Variants in CRAMP1 observed in about 807,000 individuals in gnomAD.
CRAMP1 encodes protein cramped-like.
CRAMP1 carries 50 observed loss-of-function variants against 115.4 expected under a neutral mutation model. The observed-to-expected ratio is 0.43, with a 90% CI of 0.35 to 0.55. The LOEUF (loss-of-function observed/expected upper bound fraction) is 0.55. CRAMP1 is among the 20% of genes least tolerant of loss of function. The pLI is 0.01. For missense variants in CRAMP1, 1,679 were observed against 1,721.7 expected, an observed-to-expected ratio of 0.98 and a Z score of 0.44; for synonymous variants, 866 against 745.4, an observed-to-expected ratio of 1.16 and a Z score of -2.64.
chr16:1,625,936 T>C (rs964491395), intron 2 of CRAMP1, 37 bp from the exon 3 acceptor site: 1 of 1,548,998 alleles, frequency 6.5e-7, no homozygotes, highest in African/African-American at 1.4e-5. Context: ...CCGCCAGCTT[T>C]CTGGAACAGA....
chr16:1,640,021 C>G (rs2036619117), intron 5 of CRAMP1, among the ~76,000 whole-genome samples: 1 of 152,134 alleles, frequency 6.6e-6, no homozygotes, highest in African/African-American at 2.4e-5. Context: ...CACGGTGACC[C>G]TGTGGCATGC....
At chr16:1,668,251 A>C (rs565007119) in intron 18 of CRAMP1, 58 bp downstream of exon 18, 1 of 1,233,796 alleles carries the variant, frequency 8.1e-7, no homozygotes, top group African/African-American at 1.5e-5. Flanking sequence ...CTCCTGCCCC[A>C]ATGTTTGCCA....
rs369231610 is a variant in CRAMP1, at chr16:1,659,922, A to G, written c.2272A>G (p.Arg758Gly). The G allele has an allele frequency of 1.2e-6, 2 of 1,613,018 alleles. No individual in the cohort carries two copies. The highest frequency in any genetic ancestry group is 1.7e-6 in the Non-Finnish European group (2 of 1,179,834). The change falls in exon 11 of 21, where the codon AGG (arginine) becomes GGG (glycine). Residue 758 changes from arginine to glycine, a missense_variant. Physicochemically the swap from Arg to Gly is moderately radical, Grantham distance 125 (BLOSUM62 -2). Transcript: ENST00000397412. ...EANTISTASVRPAQEEQSMTP... is the reference protein window; with the variant it reads ...EANTISTASVGPAQEEQSMTP... Reference sequence around the variant, plus strand: ...AAACACCATCTCTACAGCCTCAGTAAGGCCCGCCCAGGAGGAGCAGTCGAT... The same window carrying G: ...AAACACCATCTCTACAGCCTCAGTAGGGCCCGCCCAGGAGGAGCAGTCGAT...
chr16:1,647,748 TA>T (rs35279793), intron 6 of CRAMP1, among the ~76,000 whole-genome samples: 1,498 of 87,744 alleles, frequency 0.017, 11 homozygotes, highest in African/African-American at 0.036. Flanking sequence ...GACTCTGCCT[TA>T]AAAAAAAAAA....
At chr16:1,628,988 C>T (rs990161006) in intron 3 of CRAMP1, among the ~76,000 whole-genome samples, 7 of 152,210 alleles carry the variant, frequency 4.6e-5, no homozygotes, top group Non-Finnish European at 7.3e-5. Flanking sequence ...TCTGGCAGGG[C>T]GGGCATTCAC....
Position 1,656,247 on chromosome 16 carries a change from A to T in CRAMP1, c.1490A>T (p.Glu497Val). The T allele has an allele frequency of 1.9e-6, 3 of 1,609,548 alleles. No homozygotes were observed. In the South Asian group the frequency reaches 3.3e-5, roughly 18 times the overall value. ...AGTTCCCCCGAAAGCGCCCCCGGGG[A>T]GGGGGCTGCCCTAAGCTTGAGCAGC... Reference protein sequence around the residue: ...GESSPESAPGEGAALSLSSPD... With the variant: ...GESSPESAPGVGAALSLSSPD... Residue 497 changes from glutamate (E) to valine (V), a missense_variant, in exon 10 of 21, where the codon GAG becomes GTG. Physicochemically the swap from Glu to Val is moderately radical, Grantham distance 121. This residue lies in a region of CRAMP1 where 405 missense variants were observed against 302.6 expected (regional missense o/e 1.34). Transcript: ENST00000397412. The surrounding 1 kb of genome is among the most constrained non-coding windows in gnomAD (Gnocchi z 5.6).
intron 8 of CRAMP1, among the ~76,000 whole-genome samples, chr16:1,653,388 C>T (rs1364463380): frequency 1.3e-5 from 2 of 152,124 alleles, no homozygotes; most frequent in Non-Finnish European, 2.9e-5. Flanking sequence ...GAGGGGATGT[C>T]GCGGTGAGAA....
intron 4 of CRAMP1, among the ~76,000 whole-genome samples, chr16:1,636,325 C>A (rs1001545038): frequency 6.6e-6 from 1 of 151,320 alleles, no homozygotes; most frequent in Non-Finnish European, 1.5e-5. Flanking sequence ...GAGCTGAGAT[C>A]GCGTCACCGC....
At chr16:1,640,690 G>A (rs2036624477) in intron 5 of CRAMP1, among the ~76,000 whole-genome samples, 2 of 152,218 alleles carry the variant, frequency 1.3e-5, no homozygotes, top group South Asian at 4.1e-4. Flanking sequence ...GGTGCCTTGG[G>A]GGTTCCACAC....
intron 3 of CRAMP1, among the ~76,000 whole-genome samples, chr16:1,627,241 G>T (rs2036515280): frequency 6.6e-6 from 1 of 151,970 alleles, no homozygotes; most frequent in African/African-American, 2.4e-5. Context: ...CGCCTCCTTG[G>T]TTCAAGCAAT....
At chr16:1,634,217 C>T (rs1395228429) in intron 4 of CRAMP1, among the ~76,000 whole-genome samples, 3 of 152,144 alleles carry the variant, frequency 2.0e-5, no homozygotes, top group Non-Finnish European at 2.9e-5. Flanking sequence ...CTTGAACCAT[C>T]TGCGGGCAGG....
chr16:1,624,581 G>T (rs2036493372), intron 2 of CRAMP1, among the ~76,000 whole-genome samples: 1 of 151,706 alleles, frequency 6.6e-6, no homozygotes, highest in African/African-American at 2.4e-5. Flanking sequence ...ACCACACCTG[G>T]CTAATTTTTT....
chr16:1,657,001 G>T lies in CRAMP1; in HGVS notation c.2235+9G>T, dbSNP rs1281224494. On this transcript the variant is annotated intron_variant, in intron 10 of 20. Transcript: ENST00000397412. ...AGGTCAACCCCAAGCTGGTGAGTGG[G>T]TTGGAGCCCAGCCCCTCTGGCGGCC... The T allele has an allele frequency of 1.4e-5, 21 of 1,504,334 alleles. No individual in the cohort carries two copies. The highest frequency in any genetic ancestry group is 1.9e-5 in the Non-Finnish European group (21 of 1,126,344). The allele number at this position is 1,504,334 out of a possible 1,614,324, so 93.2% of individuals were successfully genotyped here. A position where few individuals can be genotyped will look rare whatever the true frequency, so the allele number is the denominator to read the frequency against.
chr16:1,640,820 G>A (rs1221651333), intron 5 of CRAMP1, among the ~76,000 whole-genome samples: 3 of 152,190 alleles, frequency 2.0e-5, no homozygotes, highest in African/African-American at 7.2e-5. Flanking sequence ...ATGAGTGGAA[G>A]GCCGGCGCTG....
chr16:1,666,588 C>T lies in CRAMP1; in HGVS notation c.3024C>T (p.Leu1008=). 1 of 1,613,818 alleles carries T rather than the reference C, an allele frequency of 6.2e-7. No individual in the cohort carries two copies. The highest frequency in any genetic ancestry group is 8.5e-7 in the Non-Finnish European group (1 of 1,179,768). ...GAACTCACCAGGATGGAGACACCCT[C>T]CCCACCGTGGGGGTGAGTATGTTTA... ...STGTHQDGDT[L]PTVGGSDPFV... Residue 1008 remains leucine (L), a synonymous_variant, in exon 16 of 21, where the codon CTC becomes CTT. Transcript: ENST00000397412. This position sits in a 1 kb window ranked among gnomAD's most constrained non-coding sequence, Gnocchi z 5.0.
In CRAMP1 at chr16:1,656,195, G is replaced by T. The variant is rs899689704; in HGVS notation, c.1438G>T (p.Ala480Ser). ...GGGTGTGGGGCGGCCCCCTCCTGCG[G>T]CTGACGCCTTGCAGAGCTCCGGAGA... The part of the protein sequence containing the change: ...GKGVGRPPPA[A>S]DALQSSGESS... Residue 480 changes from alanine to serine, a missense_variant, in exon 10 of 21, where the codon GCT (alanine) becomes TCT (serine). Ala to Ser is a moderately conservative substitution (Grantham distance 99, BLOSUM62 1). Transcript: ENST00000397412. This position sits in a 1 kb window ranked among gnomAD's most constrained non-coding sequence, Gnocchi z 5.6. 3 of 1,602,176 alleles carry T rather than the reference G, an allele frequency of 1.9e-6. No individual in the cohort carries two copies. Among genetic ancestry groups the T allele is most frequent in the Non-Finnish European group, 1.7e-6 (2 of 1,175,044 alleles).
intron 5 of CRAMP1, among the ~76,000 whole-genome samples, chr16:1,640,901 G>A (rs1300000577): frequency 6.6e-6 from 1 of 152,184 alleles, no homozygotes; most frequent in Non-Finnish European, 1.5e-5. Flanking sequence ...CCTGCCTGAG[G>A]AGGGGGCCAG....
At chr16:1,639,093 A>G (rs1013823963) in intron 5 of CRAMP1, among the ~76,000 whole-genome samples, 1 of 151,930 alleles carries the variant, frequency 6.6e-6, no homozygotes, top group South Asian at 2.1e-4. Context: ...CAGCTCTCCC[A>G]GCTCTCATCT....
Position 1,671,500 on chromosome 16 carries a change from G to A in CRAMP1, c.3645+691G>A, listed in dbSNP as rs1199726300. The stretch of plus-strand genomic sequence containing the variant: ...ATTCGTGGGCAGGTCAGGCTTGCAG[G>A]GTGAAGACAGGCCCGTTTCACTGTG... On this transcript the variant is annotated intron_variant, in intron 20 of 20. Coordinates refer to ENST00000397412, the MANE Select transcript of CRAMP1 (RefSeq NM_020825.4). The surrounding 1 kb of genome is among the most constrained non-coding windows in gnomAD (Gnocchi z 5.0). Among the ~76,000 whole-genome samples the A allele has an allele frequency of 1.3e-5, 2 of 152,208 alleles. No individual in the cohort carries two copies. The highest frequency in any genetic ancestry group is 2.9e-5 in the Non-Finnish European group (2 of 68,034).
Sources: gnomAD v4.1 joint callset for allele counts (sites outside exome capture counted in the v4.1 genomes callset) on GRCh38, gnomAD v4.1.1 for gene constraint, gnomAD v4.1.1 regional missense constraint, Gnocchi (gnomAD v3.1) non-coding constraint, MANE v1.5 for transcripts, NCBI Gene and HGNC (gene_info 2026-07-23, HGNC 2026-07-21) for gene names.